ASTN2: variants seen among roughly 807,000 people sequenced by gnomAD.
The protein encoded by ASTN2 is astrotactin-2.
Under a neutral mutation model 139.8 loss-of-function variants are expected in ASTN2, and 54 were observed. The ratio of observed to expected loss-of-function variants is 0.39; its 90% CI spans 0.31 to 0.48. ASTN2 has a LOEUF of 0.48. Ranked by LOEUF, ASTN2 falls within the 20% of genes least tolerant of loss-of-function variation. The pLI is 0.95. For missense variants in ASTN2, 1,565 were observed against 1,725.1 expected (o/e 0.91, Z 1.64); for synonymous variants, 756 against 719.5 (o/e 1.05, Z -0.81).
At chr9:117,258,640 C>A (rs767226871) in intron 2 of ASTN2, among the ~76,000 whole-genome samples, 6 of 152,126 alleles carry the variant, frequency 3.9e-5, no homozygotes, top group Admixed American at 3.9e-4. Flanking sequence ...AAAATCCAAG[C>A]CTTTATCATC....
chr9:117,174,547 C>A (rs1158041098), intron 3 of ASTN2, among the ~76,000 whole-genome samples: 1 of 151,808 alleles, frequency 6.6e-6, no homozygotes, highest in Non-Finnish European at 1.5e-5. Context: ...AGCATGACAG[C>A]ACAAGAAGGA....
intron 7 of ASTN2, among the ~76,000 whole-genome samples, chr9:117,001,448 T>C (rs1837187981): frequency 6.6e-6 from 1 of 152,112 alleles, no homozygotes; most frequent in Admixed American, 6.6e-5. Context: ...ACTCATCTGC[T>C]TGTGAGAACA....
intron 2 of ASTN2, among the ~76,000 whole-genome samples, chr9:117,221,374 A>G (rs1832512043): frequency 6.6e-6 from 1 of 152,202 alleles, no homozygotes; most frequent in East Asian, 1.9e-4. Flanking sequence ...ATGTTAAAAT[A>G]TCAAGGCATG....
At chr9:116,879,052 C>A (rs777382738) in intron 10 of ASTN2, among the ~76,000 whole-genome samples, 24 of 151,994 alleles carry the variant, frequency 1.6e-4, no homozygotes, top group Non-Finnish European at 2.9e-4. Flanking sequence ...GAGAGCCCAG[C>A]ATTAGACAGT....
rs550225430 is a variant in ASTN2, at chr9:116,501,982, T to A, written c.3356-14482A>T. ...AAAGCATATCCCCCTCCCCACTCCA[T>A]CCCTGGAGGCAACAAGCCTCCAGAA... On this transcript the variant is annotated intron_variant, in intron 19 of 22. Transcript: ENST00000313400. Among the ~76,000 whole-genome samples the A allele has an allele frequency of 7.5e-4, 114 of 151,608 alleles. No homozygotes were observed. In the Middle Eastern group the frequency reaches 0.01, roughly 14 times the overall value.
chr9:117,132,245 G>A (rs897045797), intron 4 of ASTN2, among the ~76,000 whole-genome samples: 19 of 152,214 alleles, frequency 1.2e-4, no homozygotes, highest in African/African-American at 4.6e-4. Context: ...TGGCTAGCCA[G>A]AGGTGCATGA....
At chr9:116,949,102 CA>C (rs1835487070) in intron 10 of ASTN2, among the ~76,000 whole-genome samples, 1 of 151,758 alleles carries the variant, frequency 6.6e-6, no homozygotes, top group Admixed American at 6.6e-5. Flanking sequence ...TTCTCTTTTT[CA>C]AAACAGTAAT....
intron 3 of ASTN2, among the ~76,000 whole-genome samples, chr9:117,169,757 G>C (rs906861217): frequency 6.6e-6 from 1 of 152,082 alleles, no homozygotes; most frequent in Non-Finnish European, 1.5e-5. Flanking sequence ...GGGCTGGTGT[G>C]GGGAGGGAAG....
At position 117,071,592 on chromosome 9, in the gene ASTN2, G is replaced by A. The variant is rs1341807987; in HGVS notation, c.1276+24452C>T. On this transcript the variant is annotated intron_variant, in intron 5 of 22. Coordinates refer to ENST00000313400, the MANE Select transcript of ASTN2 (RefSeq NM_001365068.1). ...TACCTAAGCAAGCCTGGGCAATGGC[G>A]GGCGCCCCTCCCCCAGCCTCGCTGC... Among the ~76,000 whole-genome samples the A allele has an allele frequency of 8.7e-5, 13 of 149,966 alleles. No homozygotes were observed. In the South Asian group the frequency reaches 1.7e-3, roughly 20 times the overall value.
At position 116,820,778 on chromosome 9, in the gene ASTN2, A is replaced by G. The variant is rs1831464723; in HGVS notation, c.2046T>C (p.Pro682=). ...RQVDSSGCVC[P]EELKPMKDGS... is the part of the protein sequence containing the mutation. ...CATCCTTCATGGGTTTCAGCTCCTC[A>G]GGGCACTGCTCAGAGAGAGGGCAAC... Residue 682 remains proline, a synonymous_variant, in exon 12 of 23, where the codon CCT becomes CCC. Transcript: ENST00000313400. The G allele has an allele frequency of 6.2e-7, 1 of 1,613,396 alleles. No homozygotes were observed. Among genetic ancestry groups the G allele is most frequent in the Non-Finnish European group, 8.5e-7 (1 of 1,179,544 alleles).
At chr9:117,060,667 G>A (rs940052804) in intron 5 of ASTN2, among the ~76,000 whole-genome samples, 4 of 151,876 alleles carry the variant, frequency 2.6e-5, no homozygotes, top group Non-Finnish European at 4.4e-5. Flanking sequence ...GCTGAGGTGG[G>A]CGGATCACGA....
At chr9:116,663,248 C>A (rs1186145790) in intron 16 of ASTN2, among the ~76,000 whole-genome samples, 1 of 152,178 alleles carries the variant, frequency 6.6e-6, no homozygotes, top group South Asian at 2.1e-4. Context: ...CCCACTTGAA[C>A]ATATTTGAAG....
intron 20 of ASTN2, among the ~76,000 whole-genome samples, chr9:116,447,323 C>A (rs2118904382): frequency 6.6e-6 from 1 of 152,320 alleles, no homozygotes; most frequent in African/African-American, 2.4e-5. Flanking sequence ...ACATGTCACA[C>A]AGCTAGGTCA....
chr9:116,691,469 C>T (rs1860562846), intron 16 of ASTN2, among the ~76,000 whole-genome samples: 1 of 152,136 alleles, frequency 6.6e-6, no homozygotes, highest in Non-Finnish European at 1.5e-5. Flanking sequence ...AGCATGTTTT[C>T]CAGGAAACCC....
intron 1 of ASTN2, among the ~76,000 whole-genome samples, chr9:117,366,964 A>G (rs1587985463): frequency 6.6e-6 from 1 of 151,996 alleles, no homozygotes; most frequent in Non-Finnish European, 1.5e-5. Context: ...TAGTAGAGAC[A>G]GGGTTTCACC....
chr9:116,541,956 A>G lies in ASTN2; in HGVS notation c.3356-54456T>C, dbSNP rs554293316. ...TCCTGTGGTAACATCTTGCAAACCT[A>G]TAATTCAATATCACAGCCAGGATAC... On this transcript the variant is annotated intron_variant, in intron 19 of 22. Transcript: ENST00000313400. Among the ~76,000 whole-genome samples, 42 of 152,372 alleles carry G rather than the reference A, an allele frequency of 2.8e-4. 1 individual carries two copies. In the South Asian group the frequency reaches 6.6e-3, roughly 24 times the overall value.
intron 10 of ASTN2, among the ~76,000 whole-genome samples, chr9:116,940,877 A>T (rs1413724370): frequency 1.3e-5 from 2 of 152,108 alleles, no homozygotes; most frequent in Non-Finnish European, 2.9e-5. Context: ...AGATAATTTT[A>T]AAAAATATTT....
At chr9:117,038,198 A>T (rs1838447943) in intron 6 of ASTN2, among the ~76,000 whole-genome samples, 2 of 152,294 alleles carry the variant, frequency 1.3e-5, no homozygotes, top group Admixed American at 1.3e-4. Flanking sequence ...TACTGAAGGG[A>T]TGGTGCTAAG....
At chr9:116,575,827 T>C (rs186951287) in intron 19 of ASTN2, among the ~76,000 whole-genome samples, 7 of 152,226 alleles carry the variant, frequency 4.6e-5, no homozygotes, top group African/African-American at 7.2e-5. Context: ...ATTCATTGCA[T>C]AGTGAGCTGA....
Sources: allele counts gnomAD v4.1 joint callset (sites outside exome capture counted in the v4.1 genomes callset), GRCh38; gene constraint gnomAD v4.1.1; transcripts MANE v1.5; gene names NCBI Gene and HGNC (gene_info 2026-07-23, HGNC 2026-07-21).